Variants in PLA2G6 observed in about 807,000 individuals in gnomAD.
The protein encoded by PLA2G6 is 85/88 kDa calcium-independent phospholipase A2.
PLA2G6 carries 62 observed loss-of-function variants against 83.8 expected under a neutral mutation model. The ratio of observed to expected loss-of-function variants is 0.74; its 90% confidence interval spans 0.60 to 0.91. PLA2G6 has a LOEUF of 0.91. Among genes scored for constraint, PLA2G6 ranks in the 40% least tolerant of loss-of-function variants. The pLI is 0.00. For missense variants in PLA2G6, 944 were observed against 1,102.0 expected (o/e 0.86, Z 2.03); for synonymous variants, 417 against 449.8 (o/e 0.93, Z 0.92).
At chr22:38,156,842 A>G (rs1347511706) in intron 2 of PLA2G6, among the ~76,000 whole-genome samples, 2 of 152,240 alleles carry the variant, frequency 1.3e-5, no homozygotes, top group Non-Finnish European at 2.9e-5. Context: ...TATTTTGCAC[A>G]CCATACGAAC....
rs183188490 is a variant in PLA2G6 at position 38,133,175 on chromosome 22, G to A, written c.895-162C>T. 2.4e-3 allele frequency: 1,606 copies of A among 664,488 alleles called. 2 individuals are homozygous for A. The highest frequency in any genetic ancestry group is 3.7e-3 in the Non-Finnish European group (1,400 of 383,058). 41.2% of individuals were successfully genotyped at this position (664,488 alleles called of 1,614,324 possible). ...AGGGGCAGGCCCCAGTTCTAGGGGG[G>A]CCTAGACTGCCTCCCATCCCATCAG... On this transcript the variant is annotated intron_variant, in intron 6 of 16. Transcript: ENST00000332509.
chr22:38,165,147 C>T (rs911221437), intron 2 of PLA2G6, among the ~76,000 whole-genome samples: 2 of 152,238 alleles, frequency 1.3e-5, no homozygotes, highest in African/African-American at 4.8e-5. Context: ...CAGTCCTCCA[C>T]CCTCCACCCA....
intron 6 of PLA2G6, chr22:38,134,774 T>C: frequency 1.8e-6 from 1 of 569,392 alleles, no homozygotes. Flanking sequence ...ATGAGGAAAC[T>C]GAGGCACAGG....
At chr22:38,113,727 G>A (rs758529422) in intron 14 of PLA2G6, 73 bp from the exon 15 acceptor site, 4 of 1,408,214 alleles carry the variant, frequency 2.8e-6, no homozygotes, top group South Asian at 2.3e-5. Context: ...AGCGTCAAGG[G>A]GAGGCCCAAG....
At chr22:38,175,389 T>G (rs1007223355) in intron 1 of PLA2G6, among the ~76,000 whole-genome samples, 12 of 152,170 alleles carry the variant, frequency 7.9e-5, no homozygotes, top group Admixed American at 4.6e-4. Flanking sequence ...TGGCGCCCCA[T>G]GACCTCCCAG....
At chr22:38,167,184 C>T (rs1310284132) in intron 2 of PLA2G6, among the ~76,000 whole-genome samples, 2 of 146,590 alleles carry the variant, frequency 1.4e-5, no homozygotes, top group African/African-American at 2.6e-5. Flanking sequence ...GCCGAGATCG[C>T]GTCACTGTAC....
At chr22:38,112,955 G>A (rs542118711) in intron 15 of PLA2G6, 21 of 392,020 alleles carry the variant, frequency 5.4e-5, no homozygotes, top group African/African-American at 3.3e-4. Context: ...TGCTCAGGCT[G>A]GAGTGCAGTG....
Position 38,126,791 on chromosome 22 carries a change from T to G in PLA2G6, c.1349-342A>C, listed in dbSNP as rs1463462966. ...GCGTGTCCTCTTCAGACAAAGTGCT[T>G]CTTCTTGCATCGGAGCCGATGCTGC... On this transcript the variant is annotated intron_variant, in intron 9 of 16. Transcript: ENST00000332509. 3.0e-5 allele frequency: 11 copies of G among 367,856 alleles called. No individual in the cohort carries two copies. The East Asian group carries it at 3.8e-4, about 13-fold the overall frequency. The allele number at this position is 367,856 out of a possible 1,614,324, so 22.8% of individuals were successfully genotyped here.
chr22:38,142,467 C>T (rs2088974302), intron 4 of PLA2G6: 1 of 156,564 alleles, frequency 6.4e-6, no homozygotes, highest in African/African-American at 2.4e-5. Context: ...GGCACAAATG[C>T]CTACAGGAAC....
At chr22:38,116,485 T>C in intron 12 of PLA2G6, 2 of 613,612 alleles carry the variant, frequency 3.3e-6, no homozygotes, top group Admixed American at 2.2e-5. Context: ...GCAAGACTGA[T>C]AAAACATGGC....
At chr22:38,144,588 G>C (rs1302515990) in intron 3 of PLA2G6, 1 of 141,644 alleles carries the variant, frequency 7.1e-6, no homozygotes, top group Non-Finnish European at 1.5e-5. Context: ...AGCCGAGATC[G>C]CGCCACTGCA....
intron 12 of PLA2G6, among the ~76,000 whole-genome samples, chr22:38,120,058 G>C (rs1037653433): frequency 6.6e-6 from 1 of 152,124 alleles, no homozygotes; most frequent in Non-Finnish European, 1.5e-5. Flanking sequence ...AAGACTGGGG[G>C]ACACTCACTT....
intron 2 of PLA2G6, chr22:38,148,534 C>A: frequency 2.8e-6 from 2 of 717,198 alleles, no homozygotes; most frequent in South Asian, 3.0e-5. Flanking sequence ...TTGCAGTGTT[C>A]AGGTGGCTGT....
chr22:38,153,082 T>G (rs2089635879), intron 2 of PLA2G6, among the ~76,000 whole-genome samples: 1 of 152,106 alleles, frequency 6.6e-6, no homozygotes, highest in Non-Finnish European at 1.5e-5. Context: ...ATCTTGATTG[T>G]GGTGGTGGTT....
In PLA2G6 at chr22:38,134,973, T is replaced by G. The variant is rs1000049180; in HGVS notation, c.894+15A>C. 1.6e-5 allele frequency: 10 copies of G among 612,198 alleles called. No homozygotes were observed. In the African/African-American group the frequency reaches 1.8e-4, roughly 11 times the overall value. 37.9% of individuals were successfully genotyped at this position (612,198 alleles called of 1,614,324 possible). A position where few individuals can be genotyped will look rare whatever the true frequency, so the allele number is the denominator to read the frequency against. ...CGGCCCCCTGCCCCACCCACCCACC[T>G]CAGGATCCACTCACCTCTGCGTTCT... On this transcript the variant is annotated intron_variant, in intron 6 of 16. Transcript: ENST00000332509.
At chr22:38,152,238 CAG>C (rs2089594481) in intron 2 of PLA2G6, among the ~76,000 whole-genome samples, 3 of 151,248 alleles carry the variant, frequency 2.0e-5, no homozygotes, top group Admixed American at 1.3e-4. Flanking sequence ...TTCTTTGAGA[CAG>C]AGTTTCGCTC....
intron 7 of PLA2G6, 39 bp from the exon 8 acceptor site, chr22:38,129,601 G>A (rs761082713): frequency 5.7e-5 from 86 of 1,519,014 alleles, no homozygotes; most frequent in Middle Eastern, 1.7e-4. Flanking sequence ...TGCAACTGCC[G>A]GGGAAGTGAA....
chr22:38,120,845 G>A lies in PLA2G6; in HGVS notation c.1656C>T (p.Ser552=). Residue 552 remains serine (S), a synonymous_variant, in exon 12 of 17, where the codon TCC becomes TCT. Transcript: ENST00000332509. ...FRMKDEVFRG[S]RPYESGPLEE... ...CCAGGGGCCCCGACTCGTAGGGCCT[G>A]GAGCCCCGGAACACCTCATCCTTCA... The A allele has an allele frequency of 1.9e-6, 3 of 1,613,936 alleles. No homozygotes were observed. The highest frequency in any genetic ancestry group is 2.5e-6 in the Non-Finnish European group (3 of 1,180,026).
chr22:38,158,708 T>TTATATA, intron 2 of PLA2G6, among the ~76,000 whole-genome samples: 1 of 152,194 alleles, frequency 6.6e-6, no homozygotes, highest in East Asian at 1.9e-4. Flanking sequence ...TTTATATAGG[T>TTATATA]GTTCTTGAAA....
Sources: allele counts gnomAD v4.1 joint callset (sites outside exome capture counted in the v4.1 genomes callset), GRCh38; gene constraint gnomAD v4.1.1; transcripts MANE v1.5; gene names NCBI Gene and HGNC (gene_info 2026-07-23, HGNC 2026-07-21).